Variants in SHANK2 observed in about 807,000 individuals in gnomAD.
SHANK2 encodes the protein SH3 and multiple ankyrin repeat domains 2, also known as SH3 and multiple ankyrin repeat domains protein 2.
In SHANK2, 43 loss-of-function variants were observed where a neutral mutation model predicts 133.7. The ratio of observed to expected loss-of-function variants is 0.32; its 90% CI spans 0.25 to 0.41. SHANK2 has a LOEUF of 0.41. Among genes scored for constraint, SHANK2 ranks in the 10% least tolerant of loss-of-function variants. SHANK2 has a pLI of 1.00. For missense variants in SHANK2, 1,994 were observed against 2,235.8 expected (o/e 0.89, Z 2.18); for synonymous variants, 1,017 against 952.8 (o/e 1.07, Z -1.24).
At chr11:71,085,721 T>A (rs1214711041) in intron 8 of SHANK2, among the ~76,000 whole-genome samples, 9 of 65,584 alleles carry the variant, frequency 1.4e-4, no homozygotes, top group Admixed American at 5.6e-4. Context: ...TATATTATAT[T>A]ATATAAAATA....
intron 17 of SHANK2, among the ~76,000 whole-genome samples, chr11:70,632,643 G>T (rs912020392): frequency 6.6e-6 from 1 of 152,042 alleles, no homozygotes; most frequent in East Asian, 1.9e-4. Flanking sequence ...GTCTCCCAGG[G>T]ATGTGGGCAC....
chr11:70,677,178 C>A (rs1944918792), intron 15 of SHANK2, among the ~76,000 whole-genome samples: 1 of 152,212 alleles, frequency 6.6e-6, no homozygotes, highest in South Asian at 2.1e-4. Context: ...ACGGTCTGGT[C>A]TGGACCTGAT....
At chr11:70,489,265 C>T in intron 24 of SHANK2, 63 bp downstream of exon 24, 3 of 1,506,652 alleles carry the variant, frequency 2.0e-6, no homozygotes, top group Non-Finnish European at 2.8e-6. Context: ...TTTAAGAATA[C>T]ACCTTATAAA....
intron 9 of SHANK2, among the ~76,000 whole-genome samples, chr11:71,066,861 C>T (rs1288942796): frequency 1.3e-5 from 2 of 152,114 alleles, no homozygotes; most frequent in Non-Finnish European, 2.9e-5. Flanking sequence ...TAAGTAAGGG[C>T]CAGGGTAAGT....
intron 15 of SHANK2, among the ~76,000 whole-genome samples, chr11:70,678,301 C>T (rs1370696255): frequency 1.3e-5 from 2 of 151,936 alleles, no homozygotes; most frequent in Non-Finnish European, 2.9e-5. Flanking sequence ...CGCCACCAGG[C>T]CCAGCTAATT....
chr11:70,872,068 G>A (rs983789059), intron 11 of SHANK2, among the ~76,000 whole-genome samples: 4 of 152,184 alleles, frequency 2.6e-5, no homozygotes, highest in African/African-American at 7.2e-5. Context: ...AGGATGATGC[G>A]TGTGTGGCCT....
chr11:71,095,926 G>C (rs1469839474), intron 6 of SHANK2, among the ~76,000 whole-genome samples: 1 of 142,358 alleles, frequency 7.0e-6, no homozygotes, highest in Non-Finnish European at 1.6e-5. Context: ...CTAGGATGCT[G>C]TGTGTAGACA....
rs529975103 is a variant in SHANK2 at position 71,236,889 on chromosome 11, T to C, written c.-112-12093A>G. Among the ~76,000 whole-genome samples, 57 of 152,284 alleles carry C rather than the reference T, an allele frequency of 3.7e-4. No homozygotes were observed. In the South Asian group the frequency reaches 0.012, roughly 31 times the overall value. On this transcript the variant is annotated intron_variant, in intron 1 of 25. Coordinates refer to ENST00000601538, the MANE Select transcript of SHANK2 (RefSeq NM_012309.5). The stretch of plus-strand genomic sequence containing the variant: ...AAACAAACAAATAAACAAAACCCAA[T>C]GTGGCACCTATGAGGTCTTTCTGTG...
At position 70,898,350 on chromosome 11, in the gene SHANK2, T is replaced by C. The variant is rs115520276; in HGVS notation, c.1108-1783A>G. Among the ~76,000 whole-genome samples, 547 of 150,494 alleles carry C rather than the reference T, an allele frequency of 3.6e-3. 3 individuals carry two copies. The highest frequency in any genetic ancestry group is 0.012 in the African/African-American group (507 of 40,902). The stretch of plus-strand genomic sequence containing the variant: ...TATATATATATATGTATACATTTAA[T>C]AAATATGGTGTTGGTGAAAAAAACC... On this transcript the variant is annotated intron_variant, in intron 10 of 25. Coordinates refer to ENST00000601538, the MANE Select transcript of SHANK2 (RefSeq NM_012309.5).
chr11:70,617,168 CTG>C (rs1193137823), intron 17 of SHANK2, among the ~76,000 whole-genome samples: 3 of 150,582 alleles, frequency 2.0e-5, no homozygotes, highest in Non-Finnish European at 3.0e-5. Flanking sequence ...TGTGAGCTGT[CTG>C]TGTGTGTGTG....
At chr11:71,179,564 C>T (rs1003566240) in intron 2 of SHANK2, among the ~76,000 whole-genome samples, 1 of 152,138 alleles carries the variant, frequency 6.6e-6, no homozygotes, top group African/African-American at 2.4e-5. Context: ...AAGGCTGAGG[C>T]GTCCACTTTC....
At chr11:70,872,646 G>A (rs150317879) in intron 11 of SHANK2, among the ~76,000 whole-genome samples, 135 of 152,164 alleles carry the variant, frequency 8.9e-4, no homozygotes, top group African/African-American at 2.5e-3. Flanking sequence ...CGTGAGCTAC[G>A]TGGAATGAGA....
intron 13 of SHANK2, among the ~76,000 whole-genome samples, chr11:70,802,469 C>T (rs1948067455): frequency 6.6e-6 from 1 of 152,204 alleles, no homozygotes; most frequent in South Asian, 2.1e-4. Context: ...GTACAGAAAC[C>T]TGCCAGGTCA....
chr11:70,909,381 A>G (rs1950155788), intron 10 of SHANK2, among the ~76,000 whole-genome samples: 1 of 152,162 alleles, frequency 6.6e-6, no homozygotes, highest in Admixed American at 6.5e-5. Flanking sequence ...ATTTCTGGGG[A>G]TTACAGATGT....
chr11:70,730,475 G>A (rs1294678221), intron 14 of SHANK2, among the ~76,000 whole-genome samples: 1 of 151,944 alleles, frequency 6.6e-6, no homozygotes, highest in Non-Finnish European at 1.5e-5. Context: ...CATCTCACCC[G>A]ACTATCCCAG....
intron 13 of SHANK2, among the ~76,000 whole-genome samples, chr11:70,805,380 C>A (rs557035472): frequency 6.6e-6 from 1 of 152,296 alleles, no homozygotes; most frequent in Admixed American, 6.5e-5. Flanking sequence ...GTGTGCAGAC[C>A]GGTCAGAAAA....
intron 1 of SHANK2, among the ~76,000 whole-genome samples, chr11:71,230,501 G>A (rs1555122816): frequency 6.6e-6 from 1 of 151,828 alleles, no homozygotes; most frequent in Non-Finnish European, 1.5e-5. Flanking sequence ...CCCGGGAGGT[G>A]GAGATTGCAG....
intron 11 of SHANK2, among the ~76,000 whole-genome samples, chr11:70,883,741 A>T (rs609752): frequency 2.0e-5 from 3 of 152,168 alleles, no homozygotes; most frequent in Non-Finnish European, 4.4e-5. Flanking sequence ...GGGCAAGACC[A>T]CGTGGAAACA....
chr11:70,787,263 GCA>G (rs1947683701), intron 14 of SHANK2, among the ~76,000 whole-genome samples: 56 of 64,584 alleles, frequency 8.7e-4, no homozygotes, highest in Middle Eastern at 0.011. Flanking sequence ...ACCACCACCA[GCA>G]GCATCACCAC....
Sources: allele counts gnomAD v4.1 joint callset (sites outside exome capture counted in the v4.1 genomes callset), GRCh38; gene constraint gnomAD v4.1.1; transcripts MANE v1.5; gene names NCBI Gene and HGNC (gene_info 2026-07-23, HGNC 2026-07-21).